The following CHID1 variants were observed in gnomAD, a reference collection of about 807,000 sequenced individuals.
The protein encoded by CHID1 is chitinase domain containing 1.
A neutral mutation model predicts 55.4 loss-of-function variants in CHID1; 44 were observed. The observed-to-expected ratio is 0.79, with a 90% CI of 0.62 to 1.02. The LOEUF (loss-of-function observed/expected upper bound fraction) is 1.02, where lower values mean the gene tolerates loss of function less well. CHID1 is among the 50% of genes least tolerant of loss of function. The pLI, the probability that CHID1 is intolerant of heterozygous loss-of-function variation, is 0.00. For synonymous variants in CHID1, 216 were observed against 212.9 expected, an observed-to-expected ratio of 1.01 and a Z score of -0.13; for missense variants, 491 against 515.3, an observed-to-expected ratio of 0.95 and a Z score of 0.46.
intron 7 of CHID1, among the ~76,000 whole-genome samples, chr11:897,529 C>G (rs1416500333): frequency 6.6e-6 from 1 of 152,208 alleles, no homozygotes; most frequent in African/African-American, 2.4e-5. Context: ...CAAGAACCCC[C>G]CAAGGCAGGG....
In CHID1 at chr11:869,439, T is replaced by TG; in HGVS notation, c.*418dup. 1.8e-5 allele frequency: 4 copies of TG among 222,692 alleles called. No individual in the cohort carries two copies. In the South Asian group the frequency reaches 3.0e-4, roughly 17 times the overall value. The allele number at this position is 222,692 out of a possible 1,614,324, so 13.8% of individuals were successfully genotyped here. On this transcript the variant is annotated 3_prime_UTR_variant, in exon 13 of 13. Coordinates refer to ENST00000323578, the MANE Select transcript of CHID1 (RefSeq NM_023947.4). ...CTATCACTGCCAGGCCCTGGGGTGA[T>TG]GCTGGGCAGAGCTGTCCCTGCGAGG...
intron 7 of CHID1, among the ~76,000 whole-genome samples, chr11:896,999 C>T (rs574833249): frequency 4.3e-4 from 48 of 110,376 alleles, no homozygotes; most frequent in African/African-American, 1.7e-3. Flanking sequence ...ATCCCAGACA[C>T]GAGCCTGTCT....
At chr11:895,858 C>T (rs1321031853) in intron 7 of CHID1, among the ~76,000 whole-genome samples, 3 of 152,110 alleles carry the variant, frequency 2.0e-5, no homozygotes, top group Admixed American at 6.5e-5. Context: ...ATACTGCCTG[C>T]CCCTGCCATG....
Position 869,592 on chromosome 11 carries a change from G to A in CHID1, c.*266C>T, listed in dbSNP as rs1163173711. ...CTGTCCTGGTGGGGCAGGTACTGTG[G>A]GCCCCGCCTGCCCAGCTGACAGGAG... On this transcript the variant is annotated 3_prime_UTR_variant, in exon 13 of 13. Coordinates refer to ENST00000323578, the MANE Select transcript of CHID1 (RefSeq NM_023947.4). 1.9e-5 allele frequency: 11 copies of A among 567,570 alleles called. No homozygotes were observed. The East Asian group carries it at 3.3e-4, about 17-fold the overall frequency. 35.2% of individuals were successfully genotyped at this position (567,570 alleles called of 1,614,324 possible).
Position 893,456 on chromosome 11 carries a change from G to A in CHID1, c.672C>T (p.Leu224=). The A allele has an allele frequency of 6.4e-7, 1 of 1,551,886 alleles. No individual in the cohort carries two copies. The part of the protein sequence containing the change: ...EALHQARLLA[L]LVIPPAITPG... ...GGGTGATGGCAGGCGGGATGACCAG[G>A]AGGGCCAGCAGCCGGGCCTGGTGCA... Residue 224 remains leucine, a synonymous_variant, in exon 8 of 13, where the codon CTC becomes CTT. Coordinates refer to ENST00000323578, the MANE Select transcript of CHID1 (RefSeq NM_023947.4).
At chr11:908,126 T>C (rs1351726267) in intron 1 of CHID1, 1 of 152,022 alleles carries the variant, frequency 6.6e-6, no homozygotes, top group Non-Finnish European at 1.5e-5. Flanking sequence ...TGGAGCAAGA[T>C]CAACCAGTGA....
chr11:882,595 G>A (rs550920693), intron 10 of CHID1: 2 of 154,152 alleles, frequency 1.3e-5, no homozygotes, highest in East Asian at 3.9e-4. Flanking sequence ...TACGAGCAGG[G>A]AGGACAGCAA....
intron 8 of CHID1, among the ~76,000 whole-genome samples, chr11:889,894 C>A (rs531029577): frequency 6.6e-6 from 1 of 152,248 alleles, no homozygotes. Context: ...CTCCCCTCCC[C>A]CTCTGCCCAC....
upstream of CHID1, among the ~76,000 whole-genome samples, chr11:913,854 C>T (rs1344103915): frequency 2.0e-5 from 3 of 151,906 alleles, no homozygotes; most frequent in Non-Finnish European, 4.4e-5. Context: ...CGCTTGAGCC[C>T]AGGAGTTTGA....
intron 10 of CHID1, among the ~76,000 whole-genome samples, chr11:872,976 T>C (rs1368161671): frequency 1.3e-5 from 2 of 152,116 alleles, no homozygotes; most frequent in Non-Finnish European, 2.9e-5. Context: ...GCCTGGTGGT[T>C]TGGCGAGTGG....
At chr11:882,969 G>A (rs1170453368) in intron 10 of CHID1, 179 bp downstream of exon 10, 8 of 624,624 alleles carry the variant, frequency 1.3e-5, no homozygotes, top group Admixed American at 3.0e-5. Flanking sequence ...TGACCACAGT[G>A]GGGGCTGCGG....
intron 1 of CHID1, among the ~76,000 whole-genome samples, chr11:909,279 C>A (rs1852460680): frequency 1.3e-5 from 2 of 152,224 alleles, no homozygotes; most frequent in Non-Finnish European, 2.9e-5. Flanking sequence ...TGTGTTCCTG[C>A]ATCAAACCGT....
chr11:878,271 G>A (rs187644938), intron 10 of CHID1, among the ~76,000 whole-genome samples: 13 of 152,322 alleles, frequency 8.5e-5, no homozygotes, highest in African/African-American at 3.1e-4. Flanking sequence ...AAAATTAGCT[G>A]GGTGTGGTGG....
intron 8 of CHID1, among the ~76,000 whole-genome samples, chr11:891,938 C>CA (rs57065345): frequency 1.7e-3 from 175 of 102,872 alleles, no homozygotes; most frequent in Middle Eastern, 6.0e-3. Context: ...ACCTCATTTC[C>CA]AAAAAAAAAA....
At chr11:873,110 G>T (rs373361303) in intron 10 of CHID1, among the ~76,000 whole-genome samples, 1 of 152,162 alleles carries the variant, frequency 6.6e-6, no homozygotes, top group South Asian at 2.1e-4. Context: ...GCTGGGTGGG[G>T]GTGTGTGCCC....
At chr11:891,223 T>C (rs1437861191) in intron 8 of CHID1, among the ~76,000 whole-genome samples, 5 of 152,024 alleles carry the variant, frequency 3.3e-5, no homozygotes, top group African/African-American at 7.3e-5. Flanking sequence ...AGCCCTGTGC[T>C]CCAGTGGAGC....
chr11:894,121 CAAAAAAAAAAAAAAAAAAAA>C (rs58548115), intron 7 of CHID1, among the ~76,000 whole-genome samples: 15 of 58,050 alleles, frequency 2.6e-4, no homozygotes, highest in South Asian at 6.6e-4. Context: ...GACTCTGTCT[CAAAAAAAAAAAAAAAAAAAA>C]AAAAAAAAAG....
In CHID1 at chr11:883,547, T is replaced by C. The variant is rs915022299; in HGVS notation, c.804-244A>G. Among the ~76,000 whole-genome samples the C allele has an allele frequency of 4.6e-5, 7 of 151,710 alleles. No homozygotes were observed. The East Asian group carries it at 1.4e-3, about 29-fold the overall frequency. On this transcript the variant is annotated intron_variant, in intron 9 of 12. Transcript: ENST00000323578. ...GTCAGCAGAGTGGCCCCATGAGGCA[T>C]GTCCAGGGCCAGGATCACCCATCAG...
chr11:904,690 C>T lies in CHID1; in HGVS notation c.111+16G>A, dbSNP rs759862056. ...TCAGCCAGTACAGTCACCTCAAGTC[C>T]CCAGGCCACCCTTACCTTCTCCAGC... On this transcript the variant is annotated intron_variant, in intron 2 of 12. Coordinates refer to ENST00000323578, the MANE Select transcript of CHID1 (RefSeq NM_023947.4). The T allele has an allele frequency of 1.9e-6, 3 of 1,613,832 alleles. No individual in the cohort carries two copies. The highest frequency in any genetic ancestry group is 2.5e-6 in the Non-Finnish European group (3 of 1,179,940).
Sources: allele counts gnomAD v4.1 joint callset (sites outside exome capture counted in the v4.1 genomes callset), GRCh38; gene constraint gnomAD v4.1.1; transcripts MANE v1.5; gene names NCBI Gene and HGNC (gene_info 2026-07-23, HGNC 2026-07-21).